The following R3HDM1 variants were observed in gnomAD, a reference collection of about 807,000 sequenced individuals.
R3HDM1 encodes the protein R3H domain-containing protein 1.
In R3HDM1, 46 loss-of-function variants were observed where a neutral mutation model predicts 141.1. The ratio of observed to expected loss-of-function variants is 0.33; its 90% CI spans 0.26 to 0.42. The LOEUF is 0.42. R3HDM1 is among the 10% of genes least tolerant of loss of function. The pLI is 1.00. For missense variants in R3HDM1, 1,184 were observed against 1,368.3 expected, an observed-to-expected ratio of 0.87 and a Z score of 2.12; for synonymous variants, 435 against 472.9, an observed-to-expected ratio of 0.92 and a Z score of 1.04.
At chr2:135,680,564 A>G (rs2070107184) in intron 21 of R3HDM1, among the ~76,000 whole-genome samples, 1 of 152,226 alleles carries the variant, frequency 6.6e-6, no homozygotes, top group South Asian at 2.1e-4. Context: ...GAGGTCAGGC[A>G]TTCAAAACCA....
chr2:135,620,286 CT>C (rs1379898899), intron 5 of R3HDM1: 1 of 933,894 alleles, frequency 1.1e-6, no homozygotes, highest in Non-Finnish European at 1.3e-6. Context: ...TATTATACTT[CT>C]GAAAAATAGT....
At chr2:135,661,121 T>C in intron 18 of R3HDM1, 149 bp from the exon 19 acceptor site, 1 of 1,027,738 alleles carries the variant, frequency 9.7e-7, no homozygotes, top group Non-Finnish European at 1.4e-6. Context: ...TTGAATTTTT[T>C]TTAAATTTCA....
intron 18 of R3HDM1, among the ~76,000 whole-genome samples, chr2:135,657,431 C>T (rs1269728979): frequency 6.6e-6 from 1 of 150,440 alleles, no homozygotes; most frequent in African/African-American, 2.4e-5. Context: ...AAAAAAGATA[C>T]GTTTTTTAAT....
chr2:135,585,647 T>A (rs913836492), intron 1 of R3HDM1, among the ~76,000 whole-genome samples: 4 of 152,258 alleles, frequency 2.6e-5, no homozygotes, highest in Non-Finnish European at 4.4e-5. Context: ...GTTTGCCTTA[T>A]AATTATTAAA....
At chr2:135,654,083 TC>T (rs1461529804) in intron 18 of R3HDM1, among the ~76,000 whole-genome samples, 2 of 152,166 alleles carry the variant, frequency 1.3e-5, no homozygotes, top group African/African-American at 2.4e-5. Flanking sequence ...AACATTTTCA[TC>T]ACTCTAAAAG....
intron 1 of R3HDM1, among the ~76,000 whole-genome samples, chr2:135,535,553 C>T (rs1695907593): frequency 6.7e-6 from 1 of 149,888 alleles, no homozygotes; most frequent in East Asian, 1.9e-4. Flanking sequence ...TATGAGATGG[C>T]TGTTGTGAAG....
chr2:135,650,561 T>C (rs989103619), intron 17 of R3HDM1: 106 of 982,608 alleles, frequency 1.1e-4, no homozygotes, highest in Non-Finnish European at 1.2e-4. Flanking sequence ...CCAAGGTGAC[T>C]CTGAGAGTGG....
chr2:135,614,300 CTT>C (rs201926088), intron 3 of R3HDM1, among the ~76,000 whole-genome samples: 8 of 151,978 alleles, frequency 5.3e-5, no homozygotes, highest in Non-Finnish European at 7.4e-5. Flanking sequence ...ATTTTATAGA[CTT>C]TTTTTTAAAT....
rs370603912 is a variant in R3HDM1 at position 135,680,296 on chromosome 2, A to G, written c.2431A>G (p.Ile811Val). The G allele has an allele frequency of 6.2e-7, 1 of 1,614,082 alleles. No individual in the cohort carries two copies. The highest frequency in any genetic ancestry group is 8.5e-7 in the Non-Finnish European group (1 of 1,179,960). ...AGGAATGCCTGTTTACTATAGTGTCATTCCACCTGGTCAACAAAACAATTT... is the reference window on the plus strand; with the variant it reads ...AGGAATGCCTGTTTACTATAGTGTCGTTCCACCTGGTCAACAAAACAATTT... ...TTGMPVYYSV[I>V]PPGQQNNLSS... The change falls in exon 21 of 27, where the codon ATT (isoleucine) becomes GTT (valine). Residue 811 changes from isoleucine (I) to valine (V), a missense_variant. Around this residue, in one of 5 missense-constraint regions of R3HDM1, gnomAD observed 563 missense variants for 562.0 expected, o/e 1.00. Coordinates refer to ENST00000683871, the MANE Select transcript of R3HDM1 (RefSeq NM_001378107.1).
intron 1 of R3HDM1, among the ~76,000 whole-genome samples, chr2:135,574,555 A>C (rs531550002): frequency 2.0e-5 from 3 of 152,338 alleles, no homozygotes; most frequent in South Asian, 2.1e-4. Flanking sequence ...AAAGCTATAA[A>C]TCAGCATCCC....
intron 18 of R3HDM1, among the ~76,000 whole-genome samples, chr2:135,654,676 T>A (rs1378758680): frequency 4.6e-5 from 7 of 152,112 alleles, no homozygotes; most frequent in African/African-American, 1.7e-4. Flanking sequence ...CTCAAACTCC[T>A]GACCGCAAGT....
At position 135,641,622 on chromosome 2, in the gene R3HDM1, T is replaced by G. The variant is rs780565749; in HGVS notation, c.1306T>G (p.Ser436Ala). The change falls in exon 15 of 27, where the codon TCT becomes GCT. Residue 436 changes from serine (S) to alanine (A), a missense_variant. By Grantham distance (99) the Ser-to-Ala change is moderately conservative. Around this residue, in one of 5 missense-constraint regions of R3HDM1, gnomAD observed 240 missense variants for 312.3 expected, o/e 0.77. Transcript: ENST00000683871. The part of the protein sequence containing the change: ...QPLPGTALSQ[S>A]SHGAPVVYPT... ...TCTTCCAGGTACAGCTCTCAGCCAG[T>G]CTTCTCATGGCGCACCTGTCGTCTA... is the stretch of plus-strand genomic sequence containing the variant. The G allele has an allele frequency of 1.4e-5, 23 of 1,614,060 alleles. No homozygotes were observed. Among genetic ancestry groups the G allele is most frequent in the Non-Finnish European group, 1.8e-5 (21 of 1,180,022 alleles).
intron 1 of R3HDM1, among the ~76,000 whole-genome samples, chr2:135,584,521 C>CA (rs1029805878): frequency 6.6e-6 from 1 of 151,982 alleles, no homozygotes; most frequent in African/African-American, 2.4e-5. Context: ...GTGTAGCATC[C>CA]AAAAAGAATA....
intron 2 of R3HDM1, among the ~76,000 whole-genome samples, chr2:135,603,830 C>T (rs913811712): frequency 1.7e-4 from 26 of 152,166 alleles, no homozygotes; most frequent in Non-Finnish European, 3.2e-4. Flanking sequence ...TTGTTTTGAA[C>T]TCCTGAGCTC....
chr2:135,574,148 T>C (rs1305837938), intron 1 of R3HDM1, among the ~76,000 whole-genome samples: 3 of 152,072 alleles, frequency 2.0e-5, no homozygotes, highest in African/African-American at 7.2e-5. Context: ...GAGTAAAACA[T>C]AGATATGCAA....
rs575436976 is a variant in R3HDM1, at chr2:135,649,986, A to T, written c.1708A>T (p.Thr570Ser). The T allele has an allele frequency of 1.5e-6, 2 of 1,290,796 alleles. No homozygotes were observed. The highest frequency in any genetic ancestry group is 1.1e-4 in the East Asian group (2 of 17,632). The allele number at this position is 1,290,796 out of a possible 1,614,324, so 80.0% of individuals were successfully genotyped here. Residue 570 changes from threonine to serine, a missense_variant, in exon 17 of 27, where the codon ACC becomes TCC. Physicochemically the swap from Thr to Ser is moderately conservative, Grantham distance 58. Transcript: ENST00000683871. ...YPSPFLPVSP[T>S]QQYSVQDNLG... Reference sequence around the variant, plus strand: ...ATCCCCGTTCCTGCCAGTCTCACCCACCCAGCAATACTCTGTGGTACTATA... The same window carrying T: ...ATCCCCGTTCCTGCCAGTCTCACCCTCCCAGCAATACTCTGTGGTACTATA...
At position 135,607,830 on chromosome 2, in the gene R3HDM1, A is replaced by G. The variant is rs556406029; in HGVS notation, c.171+2814A>G. ...GAAAATTTCCCACATTACCCAAACC[A>G]TTTATTGAAAAATCTCTTCTTTACC... On this transcript the variant is annotated intron_variant, in intron 3 of 26. Coordinates refer to ENST00000683871, the MANE Select transcript of R3HDM1 (RefSeq NM_001378107.1). The G allele has an allele frequency of 4.1e-6, 4 of 981,062 alleles. No individual in the cohort carries two copies. The African/African-American group carries it at 5.2e-5, about 13-fold the overall frequency. 60.8% of individuals were successfully genotyped at this position (981,062 alleles called of 1,614,324 possible). A position where few individuals can be genotyped will look rare whatever the true frequency, so the allele number is the denominator to read the frequency against.
At chr2:135,664,859 AG>A (rs2067261877) in intron 19 of R3HDM1, among the ~76,000 whole-genome samples, 1 of 152,234 alleles carries the variant, frequency 6.6e-6, no homozygotes, top group Admixed American at 6.5e-5. Context: ...ACAAAATAAA[AG>A]TCAGAATCCT....
At chr2:135,699,013 A>T (rs1199325482) in intron 21 of R3HDM1, among the ~76,000 whole-genome samples, 45 of 116,100 alleles carry the variant, frequency 3.9e-4, no homozygotes, top group Admixed American at 9.8e-4. Flanking sequence ...ATAGATAGAT[A>T]GATAGATAGA....
Sources: allele counts gnomAD v4.1 joint callset (sites outside exome capture counted in the v4.1 genomes callset), GRCh38; gene constraint gnomAD v4.1.1; regional missense constraint gnomAD v4.1.1; transcripts MANE v1.5; gene names NCBI Gene and HGNC (gene_info 2026-07-23, HGNC 2026-07-21).